The following DZIP3 variants were observed in gnomAD, a reference collection of about 807,000 sequenced individuals.
The protein encoded by DZIP3 is DAZ interacting zinc finger protein 3.
A neutral mutation model predicts 162.0 loss-of-function variants in DZIP3; 118 were observed. The observed-to-expected ratio is 0.73, with a 90% CI of 0.63 to 0.85. The LOEUF (loss-of-function observed/expected upper bound fraction) is 0.85. DZIP3 is among the 40% of genes least tolerant of loss of function. The pLI, the probability that DZIP3 is intolerant of heterozygous loss-of-function variation, is 0.00. For synonymous variants in DZIP3, 438 were observed against 458.6 expected, an observed-to-expected ratio of 0.96 and a Z score of 0.57; for missense variants, 1,331 against 1,407.0, an observed-to-expected ratio of 0.95 and a Z score of 0.86.
chr3:108,680,102 T>C (rs1469542194), intron 26 of DZIP3, among the ~76,000 whole-genome samples: 1 of 152,136 alleles, frequency 6.6e-6, no homozygotes, highest in Admixed American at 6.6e-5. Context: ...CGTCAGTTTA[T>C]GATAAAAATT....
chr3:108,614,490 T>C (rs1178978084), intron 4 of DZIP3, among the ~76,000 whole-genome samples: 1 of 152,228 alleles, frequency 6.6e-6, no homozygotes, highest in Non-Finnish European at 1.5e-5. Context: ...TTAGTTCTTT[T>C]GAGGAAGGGT....
At chr3:108,674,209 C>A in intron 24 of DZIP3, 28 bp downstream of exon 24, 1 of 1,579,330 alleles carries the variant, frequency 6.3e-7, no homozygotes, top group Non-Finnish European at 8.7e-7. Flanking sequence ...CTTAATGCAT[C>A]TTAATTTTAG....
chr3:108,600,317 G>A (rs1939937026), intron 1 of DZIP3, among the ~76,000 whole-genome samples: 1 of 151,192 alleles, frequency 6.6e-6, no homozygotes, highest in African/African-American at 2.4e-5. Flanking sequence ...TGTTCAAGGT[G>A]GTGGTATTAC....
Position 108,693,712 on chromosome 3 carries a change from C to G in DZIP3, c.*359C>G, listed in dbSNP as rs1682116900. 1.3e-5 allele frequency: 2 copies of G among 152,112 alleles called. No homozygotes were observed. The highest frequency in any genetic ancestry group is 2.4e-5 in the African/African-American group (1 of 41,442). The allele number at this position is 152,112 out of a possible 1,614,324, so 9.4% of individuals were successfully genotyped here. A position where few individuals can be genotyped will look rare whatever the true frequency, so the allele number is the denominator to read the frequency against. ...GTAAGAAAAGGAGTTAATATGCAAACTAAATCACTCGCTCAATTGAATAAT... is the reference window on the plus strand; with the variant it reads ...GTAAGAAAAGGAGTTAATATGCAAAGTAAATCACTCGCTCAATTGAATAAT... On this transcript the variant is annotated 3_prime_UTR_variant, in exon 33 of 33. Transcript: ENST00000361582.
intron 23 of DZIP3, among the ~76,000 whole-genome samples, chr3:108,673,747 C>T (rs1944005457): frequency 6.6e-6 from 1 of 151,824 alleles, no homozygotes; most frequent in Non-Finnish European, 1.5e-5. Flanking sequence ...ATGCCAATGC[C>T]CAAGCTATAC....
intron 13 of DZIP3, 30 bp from the exon 14 acceptor site, chr3:108,644,134 A>G (rs982435211): frequency 5.2e-6 from 8 of 1,552,264 alleles, no homozygotes; most frequent in Middle Eastern, 2.3e-4. Flanking sequence ...TTAATGTGGA[A>G]TGTCTTGACT....
chr3:108,619,825 A>G (rs116742676), intron 5 of DZIP3, among the ~76,000 whole-genome samples: 2,876 of 151,996 alleles, frequency 0.019, 100 homozygotes, highest in African/African-American at 0.066. Context: ...CACAAATACA[A>G]TGGACAGGGA....
At chr3:108,665,492 G>A (rs1943629382) in intron 21 of DZIP3, among the ~76,000 whole-genome samples, 5 of 152,074 alleles carry the variant, frequency 3.3e-5, no homozygotes. Context: ...TAACAAAAGA[G>A]CTAAAGTACT....
chr3:108,674,299 C>A lies in DZIP3; in HGVS notation c.2693+118C>A. ...TGTGACATCAGAGTTCTTAAAGAAG[C>A]TCTTGTGGTTTTTTTGGGTTTTTTT... On this transcript the variant is annotated intron_variant, in intron 24 of 32. Coordinates refer to ENST00000361582, the MANE Select transcript of DZIP3 (RefSeq NM_014648.4). 3.8e-6 allele frequency: 3 copies of A among 797,390 alleles called. No individual in the cohort carries two copies. The South Asian group carries it at 8.2e-5, about 22-fold the overall frequency. The allele number at this position is 797,390 out of a possible 1,614,324, so 49.4% of individuals were successfully genotyped here.
intron 17 of DZIP3, among the ~76,000 whole-genome samples, chr3:108,649,881 A>G (rs1942788373): frequency 6.6e-6 from 1 of 151,908 alleles, no homozygotes; most frequent in African/African-American, 2.4e-5. Flanking sequence ...AAGTTATGAA[A>G]GTTAAATTTT....
At chr3:108,589,710 G>A, upstream of DZIP3, 1 of 224,464 alleles carries the variant, frequency 4.5e-6, no homozygotes, top group South Asian at 6.2e-5. Context: ...GTTAGGAGAA[G>A]GGGGATTCCT....
chr3:108,644,085 C>G (rs1303630932), intron 13 of DZIP3, 79 bp from the exon 14 acceptor site: 1 of 1,467,976 alleles, frequency 6.8e-7, no homozygotes, highest in Non-Finnish European at 9.1e-7. Flanking sequence ...CCTACAGGAG[C>G]TTAGGATACA....
At chr3:108,652,048 G>T (rs1942892015) in intron 18 of DZIP3, among the ~76,000 whole-genome samples, 1 of 111,788 alleles carries the variant, frequency 8.9e-6, no homozygotes, top group African/African-American at 3.3e-5. Context: ...CAATAGTTTT[G>T]TTTTGTTTTG....
chr3:108,673,909 G>A (rs1311011712), intron 23 of DZIP3, among the ~76,000 whole-genome samples, 169 bp from the exon 24 acceptor site: 1 of 151,950 alleles, frequency 6.6e-6, no homozygotes, highest in African/African-American at 2.4e-5. Flanking sequence ...AATTGCAGAG[G>A]TGGCATTGAT....
chr3:108,686,718 T>A, intron 28 of DZIP3, 134 bp downstream of exon 28: 4 of 1,092,738 alleles, frequency 3.7e-6, no homozygotes, highest in Non-Finnish European at 4.9e-6. Context: ...ACCTTGACCT[T>A]GGTAAGGAAA....
intron 19 of DZIP3, among the ~76,000 whole-genome samples, chr3:108,659,002 G>A (rs200767308): frequency 6.6e-6 from 1 of 152,056 alleles, no homozygotes; most frequent in Non-Finnish European, 1.5e-5. Context: ...ATAATTAATA[G>A]CTTACCAACC....
chr3:108,656,207 C>A (rs1943110485), intron 19 of DZIP3, among the ~76,000 whole-genome samples: 2 of 152,200 alleles, frequency 1.3e-5, no homozygotes, highest in South Asian at 4.1e-4. Context: ...TCAAGTGGAT[C>A]CCTGAACCCT....
In DZIP3 at chr3:108,605,428, T is replaced by C. The variant is rs756837978; in HGVS notation, c.22T>C (p.Phe8Leu). The change falls in exon 2 of 33, where the codon TTT (phenylalanine) becomes CTT (leucine). Residue 8 changes from phenylalanine to leucine, a missense_variant. Physicochemically the swap from Phe to Leu is conservative, Grantham distance 22. Transcript: ENST00000361582. The stretch of plus-strand genomic sequence containing the variant: ...CAGCATGGATTCTCTACCAGATGAA[T>C]TTTTTGTGAGGTAAGGCCACAGTCC... MDSLPDE[F>L]FVRHPAVEDQ... 6.2e-7 allele frequency: 1 copy of C among 1,613,240 alleles called. No homozygotes were observed. The highest frequency in any genetic ancestry group is 1.1e-5 in the South Asian group (1 of 90,986).
At chr3:108,626,017 T>G (rs770672624) in intron 7 of DZIP3, 48 bp downstream of exon 7, 9 of 1,592,056 alleles carry the variant, frequency 5.7e-6, no homozygotes, top group Non-Finnish European at 7.7e-6. Flanking sequence ...AGTCTCAGCA[T>G]TGTGAAATGG....
Sources: gnomAD v4.1 joint callset for allele counts (sites outside exome capture counted in the v4.1 genomes callset) on GRCh38, gnomAD v4.1.1 for gene constraint, MANE v1.5 for transcripts, NCBI Gene and HGNC (gene_info 2026-07-23, HGNC 2026-07-21) for gene names.